The following WWOX variants were observed in gnomAD, a reference collection of about 807,000 sequenced individuals.
WWOX encodes WW domain containing oxidoreductase.
Under a neutral mutation model 46.2 loss-of-function variants are expected in WWOX, and 69 were observed. The observed-to-expected ratio is 1.49, with a 90% CI of 1.23 to 1.82. The LOEUF (loss-of-function observed/expected upper bound fraction) is 1.82, where lower values mean the gene tolerates loss of function less well. Ranked by LOEUF, WWOX falls within the 40% of genes most tolerant of loss-of-function variation. The pLI, the probability that WWOX is intolerant of heterozygous loss-of-function variation, is 0.00. For missense variants in WWOX, 919 were observed against 542.6 expected, an observed-to-expected ratio of 1.69 and a Z score of -6.89; for synonymous variants, 359 against 202.6, an observed-to-expected ratio of 1.77 and a Z score of -6.56.
chr16:79,111,255 G>C (rs991282408), intron 8 of WWOX, among the ~76,000 whole-genome samples: 5 of 152,142 alleles, frequency 3.3e-5, no homozygotes, highest in Admixed American at 2.6e-4. Context: ...ACTGAGACCC[G>C]GGACACAGGT....
intron 8 of WWOX, among the ~76,000 whole-genome samples, chr16:78,503,320 C>G (rs1473422245): frequency 6.6e-6 from 1 of 152,044 alleles, no homozygotes; most frequent in Non-Finnish European, 1.5e-5. Context: ...ACCCTCAGGT[C>G]TACCTATAAG....
chr16:78,761,450 C>A (rs138009623), intron 8 of WWOX, among the ~76,000 whole-genome samples: 3 of 152,144 alleles, frequency 2.0e-5, no homozygotes, highest in African/African-American at 7.2e-5. Context: ...ATCAAACTCA[C>A]CATTGTCACC....
At chr16:79,089,360 C>G (rs572820791) in intron 8 of WWOX, among the ~76,000 whole-genome samples, 1 of 145,172 alleles carries the variant, frequency 6.9e-6, no homozygotes. Context: ...GAGGCAGAGT[C>G]TAGCTCTGTC....
chr16:78,324,640 G>A (rs995611455), intron 5 of WWOX, among the ~76,000 whole-genome samples: 1 of 152,140 alleles, frequency 6.6e-6, no homozygotes, highest in Admixed American at 6.5e-5. Flanking sequence ...ATTCTATAAT[G>A]TGAGTGAACC....
intron 8 of WWOX, among the ~76,000 whole-genome samples, chr16:78,900,264 C>T (rs1480795433): frequency 2.6e-5 from 4 of 152,042 alleles, no homozygotes; most frequent in Admixed American, 1.3e-4. Flanking sequence ...TCAGCTCAGA[C>T]ACTGAAGGGG....
At chr16:79,009,749 C>A (rs149323899) in intron 8 of WWOX, among the ~76,000 whole-genome samples, 1 of 152,134 alleles carries the variant, frequency 6.6e-6, no homozygotes. Flanking sequence ...CCGCTCCTGG[C>A]ACCCATCAAA....
intron 4 of WWOX, among the ~76,000 whole-genome samples, chr16:78,119,651 A>T (rs1296400832): frequency 2.0e-5 from 3 of 149,194 alleles, no homozygotes; most frequent in Admixed American, 1.3e-4. Flanking sequence ...AATGTTTGAG[A>T]TGGGGTCTCA....
At chr16:78,895,943 T>G (rs1165761323) in intron 8 of WWOX, 1 of 152,204 alleles carries the variant, frequency 6.6e-6, no homozygotes, top group Non-Finnish European at 1.5e-5. Context: ...GAATTTGGTC[T>G]TGACGCTGAC....
intron 8 of WWOX, among the ~76,000 whole-genome samples, chr16:79,128,553 A>C (rs2049809201): frequency 6.6e-6 from 1 of 152,178 alleles, no homozygotes; most frequent in Non-Finnish European, 1.5e-5. Flanking sequence ...TCTTGGACCC[A>C]GGTTAACTTT....
At chr16:79,144,856 A>G (rs901504505) in intron 8 of WWOX, among the ~76,000 whole-genome samples, 43 of 152,202 alleles carry the variant, frequency 2.8e-4, no homozygotes, top group African/African-American at 1.0e-3. Flanking sequence ...TTATTGTTAT[A>G]ATTGTTCTAT....
intron 8 of WWOX, among the ~76,000 whole-genome samples, chr16:78,705,166 A>G (rs2048305173): frequency 6.6e-6 from 1 of 152,108 alleles, no homozygotes; most frequent in Non-Finnish European, 1.5e-5. Context: ...AAAGCCAACC[A>G]CTTATATTTT....
At chr16:78,876,345 T>C (rs2044233552) in intron 8 of WWOX, among the ~76,000 whole-genome samples, 2 of 152,182 alleles carry the variant, frequency 1.3e-5, no homozygotes, top group South Asian at 2.1e-4. Context: ...CTTTGGGTGT[T>C]TTGTCTGGAA....
chr16:78,627,058 C>T (rs993268861), intron 8 of WWOX, among the ~76,000 whole-genome samples: 2 of 152,112 alleles, frequency 1.3e-5, no homozygotes. Context: ...CTCATACATA[C>T]ACAAAGGGCA....
intron 8 of WWOX, among the ~76,000 whole-genome samples, chr16:79,171,313 T>TAA (rs1431145882): frequency 6.6e-6 from 1 of 152,242 alleles, no homozygotes; most frequent in Non-Finnish European, 1.5e-5. Flanking sequence ...TCTAATAACA[T>TAA]GATTACATAC....
chr16:78,534,973 A>T (rs750398046), intron 8 of WWOX: 2 of 152,080 alleles, frequency 1.3e-5, no homozygotes, highest in Non-Finnish European at 2.9e-5. Flanking sequence ...CAGCCTCCCA[A>T]AGTGCTGGGA....
intron 8 of WWOX, among the ~76,000 whole-genome samples, chr16:78,443,290 G>C (rs1287526644): frequency 2.0e-5 from 3 of 151,962 alleles, no homozygotes; most frequent in Admixed American, 1.3e-4. Flanking sequence ...GGGTGACAGA[G>C]TGAGACTGAA....
chr16:78,420,805 T>A (rs1327808723), intron 6 of WWOX, among the ~76,000 whole-genome samples: 1 of 152,138 alleles, frequency 6.6e-6, no homozygotes, highest in Non-Finnish European at 1.5e-5. Context: ...TTTAATAAAT[T>A]AGCTAATGCT....
Position 78,559,666 on chromosome 16 carries a change from T to C in WWOX, c.1056+126914T>C, listed in dbSNP as rs115792388. 3.0e-3 allele frequency among the ~76,000 whole-genome samples: 464 copies of C among 152,258 alleles called. 5 individuals are homozygous for C. Among genetic ancestry groups the C allele is most frequent in the African/African-American group, 0.011 (447 of 41,550 alleles). On this transcript the variant is annotated intron_variant, in intron 8 of 8. Coordinates refer to ENST00000566780, the MANE Select transcript of WWOX (RefSeq NM_016373.4). ...TATATTTTTGTGTATTCCGGGAGGA[T>C]TTTCTTTTCTTTTTCTTTTTAATCC...
intron 8 of WWOX, among the ~76,000 whole-genome samples, chr16:78,460,174 C>G (rs1006000796): frequency 6.6e-6 from 1 of 151,890 alleles, no homozygotes; most frequent in African/African-American, 2.4e-5. Flanking sequence ...TTTCCCCAGG[C>G]TGGAGTGCAG....
Sources: gnomAD v4.1 joint callset for allele counts (sites outside exome capture counted in the v4.1 genomes callset) on GRCh38, gnomAD v4.1.1 for gene constraint, MANE v1.5 for transcripts, NCBI Gene and HGNC (gene_info 2026-07-23, HGNC 2026-07-21) for gene names.